Variants in MACROD2 observed in about 807,000 individuals in gnomAD.
MACROD2 encodes the protein ADP-ribose glycohydrolase MACROD2.
MACROD2 carries 36 observed loss-of-function variants against 70.4 expected under a neutral mutation model. The ratio of observed to expected loss-of-function variants is 0.51; its 90% CI spans 0.39 to 0.68. The LOEUF (loss-of-function observed/expected upper bound fraction) is 0.68, where lower values mean the gene tolerates loss of function less well. Among genes scored for constraint, MACROD2 ranks in the 30% least tolerant of loss-of-function variants. The probability of loss-of-function intolerance (pLI) is 0.00; values close to 1 mark genes in which losing one functional copy is unlikely to be tolerated. For missense variants in MACROD2, 496 were observed against 538.4 expected (o/e 0.92, Z 0.78); for synonymous variants, 172 against 178.8 (o/e 0.96, Z 0.30).
At chr20:15,659,516 C>G (rs556254831) in intron 8 of MACROD2, among the ~76,000 whole-genome samples, 1 of 151,838 alleles carries the variant, frequency 6.6e-6, no homozygotes, top group Non-Finnish European at 1.5e-5. Context: ...CTTCCCATGT[C>G]GTCTTGACCA....
intron 3 of MACROD2, among the ~76,000 whole-genome samples, chr20:14,232,219 C>A (rs970409546): frequency 2.0e-5 from 3 of 148,718 alleles, no homozygotes; most frequent in Non-Finnish European, 4.5e-5. Flanking sequence ...CCTTGCCCAG[C>A]CTATTCTTAA....
intron 10 of MACROD2, among the ~76,000 whole-genome samples, chr20:15,920,268 C>T (rs1355566013): frequency 6.6e-6 from 1 of 151,948 alleles, no homozygotes; most frequent in Non-Finnish European, 1.5e-5. Flanking sequence ...AGGCTGGTCC[C>T]GAGGGCCCAC....
At chr20:14,935,821 G>A (rs1284723989) in intron 5 of MACROD2, among the ~76,000 whole-genome samples, 1 of 152,094 alleles carries the variant, frequency 6.6e-6, no homozygotes, top group Non-Finnish European at 1.5e-5. Context: ...CTTTACAAAT[G>A]ATTGTTTGAC....
At chr20:14,963,837 A>G (rs1177632654) in intron 5 of MACROD2, among the ~76,000 whole-genome samples, 3 of 152,224 alleles carry the variant, frequency 2.0e-5, no homozygotes, top group Admixed American at 6.5e-5. Flanking sequence ...AGCATGGTCT[A>G]GTCCCCAGAA....
intron 3 of MACROD2, among the ~76,000 whole-genome samples, chr20:14,186,522 C>G (rs1051627117): frequency 6.6e-6 from 1 of 152,090 alleles, no homozygotes; most frequent in African/African-American, 2.4e-5. Flanking sequence ...ATTTGTTCAG[C>G]CATTGTGGAG....
chr20:15,365,087 T>G (rs1268122493), intron 6 of MACROD2, among the ~76,000 whole-genome samples: 4 of 152,194 alleles, frequency 2.6e-5, no homozygotes. Flanking sequence ...GACTTGCTTT[T>G]TAGGTCAACT....
chr20:14,544,973 T>G (rs896857240), intron 4 of MACROD2, among the ~76,000 whole-genome samples: 1 of 152,184 alleles, frequency 6.6e-6, no homozygotes, highest in Non-Finnish European at 1.5e-5. Context: ...GGAAGTCAGC[T>G]CGGCCTGCCT....
At position 14,784,673 on chromosome 20, in the gene MACROD2, G is replaced by T. The variant is rs865863570; in HGVS notation, c.418+99714G>T. On this transcript the variant is annotated intron_variant, in intron 5 of 17. Coordinates refer to ENST00000684519, the MANE Select transcript of MACROD2 (RefSeq NM_001351661.2). ...GAAAAGGATGGTGTTTTAAGTGGGG[G>T]GGGGGGGGCACCAGATTCAGTTACC... 8.3e-5 allele frequency among the ~76,000 whole-genome samples: 10 copies of T among 121,150 alleles called. 1 individual carries two copies. The highest frequency in any genetic ancestry group is 5.4e-4 in the South Asian group (2 of 3,716). The allele number at this position is 121,150 out of a possible 152,430, so 79.5% of individuals were successfully genotyped here. A position where few individuals can be genotyped will look rare whatever the true frequency, so the allele number is the denominator to read the frequency against.
chr20:14,721,522 A>G (rs900763197), intron 5 of MACROD2, among the ~76,000 whole-genome samples: 1 of 152,170 alleles, frequency 6.6e-6, no homozygotes, highest in East Asian at 1.9e-4. Flanking sequence ...TGGGGCAAGT[A>G]CAATTAGTCC....
chr20:14,025,354 CTG>C (rs1272112244), intron 2 of MACROD2, among the ~76,000 whole-genome samples: 1 of 152,100 alleles, frequency 6.6e-6, no homozygotes, highest in African/African-American at 2.4e-5. Context: ...TTTTTCGTGT[CTG>C]TATCTCCTTC....
intron 5 of MACROD2, among the ~76,000 whole-genome samples, chr20:14,861,109 G>T (rs1479024246): frequency 6.6e-6 from 1 of 152,074 alleles, no homozygotes; most frequent in South Asian, 2.1e-4. Context: ...ACAATGAAGA[G>T]AATTTAATTA....
intron 5 of MACROD2, among the ~76,000 whole-genome samples, chr20:15,070,835 C>T (rs2075613455): frequency 6.6e-6 from 1 of 151,300 alleles, no homozygotes; most frequent in African/African-American, 2.4e-5. Context: ...AACAGATTAA[C>T]ACCAAAAAGG....
intron 8 of MACROD2, among the ~76,000 whole-genome samples, chr20:15,537,739 G>A (rs1238848262): frequency 6.6e-6 from 1 of 152,082 alleles, no homozygotes; most frequent in Non-Finnish European, 1.5e-5. Flanking sequence ...CTCCCAAAGT[G>A]CTGGGATTAC....
At chr20:15,172,314 C>T (rs775962784) in intron 5 of MACROD2, among the ~76,000 whole-genome samples, 5 of 152,096 alleles carry the variant, frequency 3.3e-5, no homozygotes, top group East Asian at 1.9e-4. Context: ...ATCTGGAGAC[C>T]GGACAAAACA....
At chr20:14,265,776 CTTTT>C (rs11478087) in intron 3 of MACROD2, among the ~76,000 whole-genome samples, 2 of 114,984 alleles carry the variant, frequency 1.7e-5, no homozygotes. Context: ...CCGCCTTGTC[CTTTT>C]TTTTTTTTTT....
intron 8 of MACROD2, among the ~76,000 whole-genome samples, chr20:15,748,982 A>G (rs1043834304): frequency 3.9e-5 from 6 of 152,154 alleles, no homozygotes; most frequent in Admixed American, 3.9e-4. Context: ...TAAGGAATAT[A>G]GAATTAGTGA....
intron 2 of MACROD2, among the ~76,000 whole-genome samples, chr20:14,010,671 AT>A (rs748743388): frequency 2.7e-5 from 4 of 146,634 alleles, no homozygotes; most frequent in African/African-American, 4.9e-5. Flanking sequence ...CTTCTTTCTC[AT>A]TGTCTGGCAC....
intron 3 of MACROD2, among the ~76,000 whole-genome samples, chr20:14,130,921 GTTTTTTTTGTTTTT>G (rs1390107382): frequency 8.4e-6 from 1 of 118,476 alleles, no homozygotes; most frequent in East Asian, 2.4e-4. Context: ...AAATAATTGT[GTTTTTTTTGTTTTT>G]TTTTTTTTTT....
At chr20:14,554,305 C>T (rs1046371819) in intron 4 of MACROD2, 3 of 152,082 alleles carry the variant, frequency 2.0e-5, no homozygotes, top group Non-Finnish European at 2.9e-5. Context: ...CTCTGAAGGG[C>T]GTGGTCAGGC....
Sources: allele counts gnomAD v4.1 joint callset (sites outside exome capture counted in the v4.1 genomes callset), GRCh38; gene constraint gnomAD v4.1.1; transcripts MANE v1.5; gene names NCBI Gene and HGNC (gene_info 2026-07-23, HGNC 2026-07-21).